The following SYNPO2 variants were observed in gnomAD, a reference collection of about 807,000 sequenced individuals.
SYNPO2 encodes synaptopodin 2.
In SYNPO2, 56 loss-of-function variants were observed where a neutral mutation model predicts 85.0. The observed-to-expected ratio is 0.66, with a 90% CI of 0.53 to 0.82. The LOEUF (loss-of-function observed/expected upper bound fraction) is 0.82. Ranked by LOEUF, SYNPO2 falls within the 40% of genes least tolerant of loss-of-function variation. The pLI, the probability that SYNPO2 is intolerant of heterozygous loss-of-function variation, is 0.00. For missense variants in SYNPO2, 1,575 were observed against 1,534.2 expected, an observed-to-expected ratio of 1.03 and a Z score of -0.44; for synonymous variants, 602 against 591.1, an observed-to-expected ratio of 1.02 and a Z score of -0.27.
intron 4 of SYNPO2, among the ~76,000 whole-genome samples, chr4:119,044,791 C>G (rs1247937014): frequency 1.3e-5 from 2 of 152,202 alleles, no homozygotes; most frequent in Non-Finnish European, 2.9e-5. Flanking sequence ...ATTTAATAAG[C>G]TTAGAAACAT....
intron 1 of SYNPO2, among the ~76,000 whole-genome samples, chr4:118,851,894 G>A (rs541277162): frequency 1.6e-5 from 2 of 124,044 alleles, no homozygotes; most frequent in East Asian, 2.0e-4. Flanking sequence ...TATTTTAATA[G>A]TCTTTTCAGA....
chr4:118,952,960 G>A (rs1307929189), intron 1 of SYNPO2, among the ~76,000 whole-genome samples: 3 of 152,176 alleles, frequency 2.0e-5, no homozygotes, highest in Admixed American at 2.0e-4. Flanking sequence ...AATCAGAGTA[G>A]TGGAGTCAGG....
chr4:118,869,214 A>G (rs1963384), intron 1 of SYNPO2, among the ~76,000 whole-genome samples: 78,494 of 151,768 alleles, frequency 0.52, 23,086 homozygotes, highest in Admixed American at 0.68. Context: ...GCGCCACCAC[A>G]CCTGGCTTAT....
intron 1 of SYNPO2, among the ~76,000 whole-genome samples, chr4:119,017,067 C>T (rs1312154277): frequency 6.6e-6 from 1 of 152,156 alleles, no homozygotes; most frequent in Non-Finnish European, 1.5e-5. Context: ...AGGTCATGAT[C>T]TTCAAACCAA....
intron 1 of SYNPO2, among the ~76,000 whole-genome samples, chr4:118,914,962 T>C (rs1733262358): frequency 6.6e-6 from 1 of 151,446 alleles, no homozygotes; most frequent in South Asian, 2.1e-4. Context: ...TTTTGATATT[T>C]GGAAGTATTT....
At chr4:118,878,033 A>G (rs2149109148) in intron 1 of SYNPO2, among the ~76,000 whole-genome samples, 1 of 152,378 alleles carries the variant, frequency 6.6e-6, no homozygotes, top group East Asian at 1.9e-4. Flanking sequence ...AGCCATAAAA[A>G]GAATGAGATT....
chr4:118,982,410 A>T (rs924060755), intron 1 of SYNPO2, among the ~76,000 whole-genome samples: 1 of 152,184 alleles, frequency 6.6e-6, no homozygotes. Context: ...ACATGTCCCC[A>T]TTATAACCTC....
Position 119,030,841 on chromosome 4 carries a change from G to T in SYNPO2, c.2066G>T (p.Arg689Met). 1 of 1,614,022 alleles carries T rather than the reference G, an allele frequency of 6.2e-7. No homozygotes were observed. Among genetic ancestry groups the T allele is most frequent in the East Asian group, 2.2e-5 (1 of 44,890 alleles). ...KRTGILQEAK[R>M]RSTTKPMFTF... ...ACAGGAATATTGCAGGAGGCCAAAAGGAGAAGCACGACAAAACCCATGTTT... is the reference window on the plus strand; with the variant it reads ...ACAGGAATATTGCAGGAGGCCAAAATGAGAAGCACGACAAAACCCATGTTT... Residue 689 changes from arginine to methionine, a missense_variant, in exon 4 of 5, where the codon AGG (arginine) becomes ATG (methionine). Physicochemically the swap from Arg to Met is moderately conservative, Grantham distance 91. Transcript: ENST00000307142.
chr4:118,967,629 C>T (rs910484114), intron 1 of SYNPO2, among the ~76,000 whole-genome samples: 1 of 152,210 alleles, frequency 6.6e-6, no homozygotes, highest in Non-Finnish European at 1.5e-5. Flanking sequence ...ATTTGCCTCA[C>T]TTGGGGAAAC....
At position 119,057,738 on chromosome 4, in the gene SYNPO2, A is replaced by T. The variant is rs766431738; in HGVS notation, c.3590A>T (p.Gln1197Leu). The change falls in exon 5 of 5, where the codon CAA (glutamine) becomes CTA (leucine). Residue 1197 changes from glutamine (Q) to leucine (L), a missense_variant. Around this residue, in one of 3 missense-constraint regions of SYNPO2, gnomAD observed 1,508 missense variants for 1,446.8 expected, o/e 1.04. Transcript: ENST00000307142. ...GCCTATATGGGCTCATGTGGAAGGC[A>T]AGAGTATAATGTCACAGCCAATAAT... ...QKAYMGSCGR[Q>L]EYNVTANNNM... 6.2e-7 allele frequency: 1 copy of T among 1,614,156 alleles called. No individual in the cohort carries two copies. The highest frequency in any genetic ancestry group is 1.3e-5 in the African/African-American group (1 of 75,028).
At chr4:118,930,667 C>G (rs1208071115) in intron 1 of SYNPO2, among the ~76,000 whole-genome samples, 1 of 150,222 alleles carries the variant, frequency 6.7e-6, no homozygotes, top group Non-Finnish European at 1.5e-5. Flanking sequence ...GTAATCCCAG[C>G]ACTTTGGGAG....
chr4:119,026,556 G>T (rs1164810907), intron 2 of SYNPO2, 71 bp from the exon 3 acceptor site: 2 of 1,467,766 alleles, frequency 1.4e-6, no homozygotes, highest in African/African-American at 2.8e-5. Flanking sequence ...CATCACAAAA[G>T]TGTCAGGAAG....
Position 119,059,108 on chromosome 4 carries a change from A to T in SYNPO2, c.*1174A>T, listed in dbSNP as rs1409238498. 2.0e-5 allele frequency: 3 copies of T among 152,180 alleles called. No individual in the cohort carries two copies. The highest frequency in any genetic ancestry group is 7.2e-5 in the African/African-American group (3 of 41,444). 9.4% of individuals were successfully genotyped at this position (152,180 alleles called of 1,614,324 possible). ...TTTATTTTTTTTGCTCATAATATAA[A>T]TATCAGATTATGTTTAGGAGTGGAT... On this transcript the variant is annotated 3_prime_UTR_variant, in exon 5 of 5. Transcript: ENST00000307142.
chr4:118,906,486 G>A (rs573983212), intron 1 of SYNPO2, among the ~76,000 whole-genome samples: 15 of 152,210 alleles, frequency 9.9e-5, no homozygotes, highest in African/African-American at 3.6e-4. Context: ...AAAATTTAGA[G>A]TTGATGATTT....
At chr4:118,929,152 G>A (rs1330036251) in intron 1 of SYNPO2, among the ~76,000 whole-genome samples, 1 of 151,826 alleles carries the variant, frequency 6.6e-6, no homozygotes, top group African/African-American at 2.4e-5. Context: ...AGGAAAGAAA[G>A]GTAAATGGGA....
At chr4:118,997,183 T>G (rs1441075796) in intron 1 of SYNPO2, among the ~76,000 whole-genome samples, 3 of 131,912 alleles carry the variant, frequency 2.3e-5, no homozygotes, top group Non-Finnish European at 4.6e-5. Context: ...GAGCTTGCAG[T>G]GAGCCGAGAT....
At chr4:119,036,653 T>G (rs1427389075) in intron 4 of SYNPO2, 1 of 985,406 alleles carries the variant, frequency 1.0e-6, no homozygotes, top group East Asian at 1.1e-4. Flanking sequence ...ATGAGCGTCA[T>G]GCCAATGAAA....
chr4:118,902,578 G>T (rs1732794737), intron 1 of SYNPO2, among the ~76,000 whole-genome samples: 2 of 152,130 alleles, frequency 1.3e-5, no homozygotes, highest in Non-Finnish European at 2.9e-5. Flanking sequence ...TAACATGTGG[G>T]AATTATGGGA....
chr4:119,010,337 A>G (rs532400767), intron 1 of SYNPO2, among the ~76,000 whole-genome samples: 98 of 152,348 alleles, frequency 6.4e-4, no homozygotes, highest in African/African-American at 2.2e-3. Flanking sequence ...CCTCAGAATC[A>G]TGGTGGGAGG....
Sources: allele counts gnomAD v4.1 joint callset (sites outside exome capture counted in the v4.1 genomes callset), GRCh38; gene constraint gnomAD v4.1.1; regional missense constraint gnomAD v4.1.1; transcripts MANE v1.5; gene names NCBI Gene and HGNC (gene_info 2026-07-23, HGNC 2026-07-21).